Variants in ASIC2 observed in about 807,000 individuals in gnomAD.
ASIC2 encodes acid-sensing ion channel 2.
Under a neutral mutation model 57.3 loss-of-function variants are expected in ASIC2, and 25 were observed. The observed-to-expected ratio is 0.44, with a 90% CI of 0.32 to 0.61. The LOEUF is 0.61. ASIC2 is among the 20% of genes least tolerant of loss of function. The pLI, the probability that ASIC2 is intolerant of heterozygous loss-of-function variation, is 0.06. For synonymous variants in ASIC2, 319 were observed against 307.5 expected (o/e 1.04, Z -0.39); for missense variants, 641 against 738.1 (o/e 0.87, Z 1.52).
In ASIC2 at chr17:33,752,590, A is replaced by G. The variant is rs1257151335; in HGVS notation, c.555+403388T>C. On this transcript the variant is annotated intron_variant, in intron 1 of 9. Coordinates refer to the ASIC2 transcript ENST00000359872. The stretch of plus-strand genomic sequence containing the variant: ...ATCTCACCGAAGAAAAGATATATGT[A>G]TTTATGACTCTTTCATGTCTTTTGG... 3.9e-5 allele frequency among the ~76,000 whole-genome samples: 6 copies of G among 152,366 alleles called. No individual in the cohort carries two copies. The East Asian group carries it at 9.6e-4, about 24-fold the overall frequency.
At chr17:33,255,453 G>C (rs1045396726) in intron 1 of ASIC2, among the ~76,000 whole-genome samples, 2 of 152,056 alleles carry the variant, frequency 1.3e-5, no homozygotes, top group African/African-American at 4.8e-5. Flanking sequence ...GTAAGCTTTA[G>C]ACTAATGCAT....
intron 1 of ASIC2, among the ~76,000 whole-genome samples, chr17:34,148,145 G>A (rs1487506082): frequency 6.6e-6 from 1 of 152,156 alleles, no homozygotes; most frequent in African/African-American, 2.4e-5. Flanking sequence ...AAGCAGTTCT[G>A]GATGTCTAAA....
At chr17:33,218,523 G>A (rs1907580355) in intron 1 of ASIC2, among the ~76,000 whole-genome samples, 1 of 152,046 alleles carries the variant, frequency 6.6e-6, no homozygotes, top group Non-Finnish European at 1.5e-5. Context: ...CTGCAATAGA[G>A]ATGCAGAAGA....
intron 1 of ASIC2, among the ~76,000 whole-genome samples, chr17:33,163,454 T>C (rs1490541988): frequency 2.0e-5 from 3 of 151,924 alleles, no homozygotes; most frequent in Admixed American, 6.6e-5. Context: ...CTCATGAGGC[T>C]GACCCCTTAC....
chr17:33,886,122 C>T (rs1214203757), intron 1 of ASIC2, among the ~76,000 whole-genome samples: 1 of 152,182 alleles, frequency 6.6e-6, no homozygotes. Flanking sequence ...AAAAAGAAGA[C>T]CTATTTCTCA....
intron 1 of ASIC2, among the ~76,000 whole-genome samples, chr17:33,777,997 G>A (rs1911335518): frequency 1.3e-5 from 2 of 152,114 alleles, no homozygotes; most frequent in African/African-American, 4.8e-5. Context: ...CCCTTCTCAG[G>A]ATAGCACTAT....
intron 1 of ASIC2, among the ~76,000 whole-genome samples, chr17:33,115,093 A>T (rs1405300558): frequency 6.6e-6 from 1 of 152,186 alleles, no homozygotes; most frequent in Non-Finnish European, 1.5e-5. Context: ...CCTCCTTGCT[A>T]GGGCTGGTAC....
At chr17:34,143,395 T>C (rs946629931) in intron 1 of ASIC2, among the ~76,000 whole-genome samples, 8 of 152,326 alleles carry the variant, frequency 5.3e-5, no homozygotes, top group African/African-American at 1.9e-4. Flanking sequence ...TGGGAGGTGG[T>C]CCCTTTAAGG....
In ASIC2 at chr17:34,034,928, C is replaced by A. The variant is rs570301932; in HGVS notation, c.555+121050G>T. On this transcript the variant is annotated intron_variant, in intron 1 of 9. Transcript: ENST00000359872. Reference sequence around the variant, plus strand: ...GGAAGAATCAATATCATGAAAATGGCCATACTGCCCAAGGTAATTTATAGA... The same window carrying A: ...GGAAGAATCAATATCATGAAAATGGACATACTGCCCAAGGTAATTTATAGA... 9.0e-3 allele frequency among the ~76,000 whole-genome samples: 1,365 copies of A among 151,830 alleles called. 27 individuals carry two copies. Among genetic ancestry groups the A allele is most frequent in the African/African-American group, 0.031 (1,298 of 41,370 alleles).
At chr17:33,443,662 C>T (rs1256979017) in intron 1 of ASIC2, among the ~76,000 whole-genome samples, 3 of 151,474 alleles carry the variant, frequency 2.0e-5, no homozygotes, top group Middle Eastern at 3.4e-3. Flanking sequence ...GTGATCCGCC[C>T]GCCTCGGCCT....
intron 1 of ASIC2, among the ~76,000 whole-genome samples, chr17:33,119,739 T>C (rs1421309711): frequency 6.6e-6 from 1 of 152,236 alleles, no homozygotes; most frequent in Non-Finnish European, 1.5e-5. Context: ...AAAAAAGTGA[T>C]TTCAATAAAC....
chr17:33,372,914 C>T (rs1053042351), intron 1 of ASIC2, among the ~76,000 whole-genome samples: 5 of 152,292 alleles, frequency 3.3e-5, no homozygotes, highest in African/African-American at 1.2e-4. Context: ...TTGCCTGTTA[C>T]AGGAGAGTTC....
chr17:33,834,445 G>T (rs964324178), intron 1 of ASIC2: 4 of 152,180 alleles, frequency 2.6e-5, no homozygotes, highest in African/African-American at 9.6e-5. Flanking sequence ...GGTATTTGAT[G>T]GTTTCTGTAA....
At chr17:33,418,273 C>A (rs796636508) in intron 1 of ASIC2, among the ~76,000 whole-genome samples, 1 of 151,956 alleles carries the variant, frequency 6.6e-6, no homozygotes, top group Non-Finnish European at 1.5e-5. Flanking sequence ...AGCACCAAAC[C>A]CCATCCTAAT....
intron 1 of ASIC2, among the ~76,000 whole-genome samples, chr17:33,892,273 A>G: frequency 6.6e-6 from 1 of 152,198 alleles, no homozygotes; most frequent in East Asian, 1.9e-4. Flanking sequence ...GGAAGGAGAA[A>G]TATTAGGTAA....
chr17:34,014,033 G>T (rs1318747934), intron 1 of ASIC2, among the ~76,000 whole-genome samples: 1 of 152,118 alleles, frequency 6.6e-6, no homozygotes, highest in African/African-American at 2.4e-5. Flanking sequence ...ACTTGGTAAA[G>T]GGAGTCTCCC....
Position 33,494,762 on chromosome 17 carries a change from C to T in ASIC2, c.556-382695G>A, listed in dbSNP as rs569414464. Among the ~76,000 whole-genome samples, 19 of 152,272 alleles carry T rather than the reference C, an allele frequency of 1.2e-4. No individual in the cohort carries two copies. The Middle Eastern group carries it at 0.014, about 109-fold the overall frequency. ...GCCCACTTCGGAGCATTCTGAACTC[C>T]GCTTTCTTTTGATGAAACTTTTTCT... On this transcript the variant is annotated intron_variant, in intron 1 of 9. Transcript: ENST00000359872.
chr17:33,449,104 AT>A (rs1235735900), intron 1 of ASIC2, among the ~76,000 whole-genome samples: 2 of 152,112 alleles, frequency 1.3e-5, no homozygotes, highest in Non-Finnish European at 2.9e-5. Flanking sequence ...GAATGCCACT[AT>A]TTTTCTCCTC....
At chr17:33,052,076 G>T (rs2091978951) in intron 3 of ASIC2, 1 of 152,164 alleles carries the variant, frequency 6.6e-6, no homozygotes, top group South Asian at 2.1e-4. Context: ...AACCAAATGG[G>T]ACTGCAGAAA....
Sources: gnomAD v4.1 joint callset for allele counts (sites outside exome capture counted in the v4.1 genomes callset) on GRCh38, gnomAD v4.1.1 for gene constraint, MANE v1.5 for transcripts, NCBI Gene and HGNC (gene_info 2026-07-23, HGNC 2026-07-21) for gene names.